SARS1: variants seen among roughly 807,000 people sequenced by gnomAD.
SARS1 encodes serine--tRNA ligase, cytoplasmic.
Under a neutral mutation model 63.7 loss-of-function variants are expected in SARS1, and 25 were observed. That is an observed-to-expected ratio of 0.39 (90% CI 0.29 to 0.55). SARS1 has a LOEUF of 0.55. SARS1 is among the 20% of genes least tolerant of loss of function. SARS1 has a pLI of 0.62. For synonymous variants in SARS1, 231 were observed against 243.5 expected (o/e 0.95, Z 0.48); for missense variants, 417 against 649.7 (o/e 0.64, Z 3.89).
intron 1 of SARS1, among the ~76,000 whole-genome samples, chr1:109,222,006 ATATATTTTTTTTTTTTTTTTTTT>A (rs1654957018): frequency 9.0e-5 from 1 of 11,100 alleles, no homozygotes; most frequent in Non-Finnish European, 1.4e-4. Context: ...ATATATATAT[ATATATTTTTTTTTTTTTTTTTTT>A]TTTTTTTTTT....
chr1:109,219,262 C>CATATATATAT (rs142272817), intron 1 of SARS1, among the ~76,000 whole-genome samples: 1,977 of 76,620 alleles, frequency 0.026, 86 homozygotes, highest in African/African-American at 0.046. Context: ...CAAGACTCTC[C>CATATATATAT]ATATATATAT....
chr1:109,224,332 C>T (rs540965762), intron 2 of SARS1, among the ~76,000 whole-genome samples: 1 of 152,200 alleles, frequency 6.6e-6, no homozygotes, highest in East Asian at 1.9e-4. Context: ...TAAATTCCAC[C>T]AGTCATCTTT....
intron 9 of SARS1, chr1:109,236,861 A>T: frequency 6.2e-7 from 1 of 1,600,282 alleles, no homozygotes; most frequent in Non-Finnish European, 8.5e-7. Context: ...CCCTCTTCTC[A>T]CCCAAGAAGG....
In SARS1 at chr1:109,229,468, C is replaced by G; in HGVS notation, c.343C>G (p.Leu115Val). ...KVRLLIDEAI[L>V]KCDAERIKLE... is the part of the protein sequence containing the mutation. ...CCGACTCCTCATTGATGAAGCCATC[C>G]TGAAGTGTGACGCGGAGCGGATAAA... Residue 115 changes from leucine to valine, a missense_variant, in exon 4 of 11, where the codon CTG becomes GTG. Leu to Val is a conservative substitution (Grantham distance 32). This residue lies in a region of SARS1 where 359 missense variants were observed against 529.6 expected (regional missense o/e 0.68). Transcript: ENST00000234677. 1 of 1,614,162 alleles carries G rather than the reference C, an allele frequency of 6.2e-7. No individual in the cohort carries two copies.
At position 109,237,884 on chromosome 1, in the gene SARS1, C is replaced by A; in HGVS notation, c.1541C>A (p.Ala514Asp). 1 of 1,614,130 alleles carries A rather than the reference C, an allele frequency of 6.2e-7. No individual in the cohort carries two copies. The highest frequency in any genetic ancestry group is 1.1e-5 in the South Asian group (1 of 91,078). ...CTGCAGAACATGGAGGTCACCGATG[C>A]TTGAACATTCCTGCCTCCCTATTTG... ...NRLQNMEVTD[A>D] The change falls in exon 11 of 11, where the codon GCT becomes GAT. Residue 514 changes from alanine to aspartate, a missense_variant. By Grantham distance (126) the Ala-to-Asp change is moderately radical. Around this residue, in one of 3 missense-constraint regions of SARS1, gnomAD observed 43 missense variants for 68.1 expected, o/e 0.63. Coordinates refer to ENST00000234677, the MANE Select transcript of SARS1 (RefSeq NM_006513.4). The surrounding 1 kb of genome is among the most constrained non-coding windows in gnomAD (Gnocchi z 4.1).
At chr1:109,223,141 T>C (rs1654985887) in intron 1 of SARS1, among the ~76,000 whole-genome samples, 1 of 152,236 alleles carries the variant, frequency 6.6e-6, no homozygotes, top group Non-Finnish European at 1.5e-5. Context: ...TTTGGGCCAA[T>C]ATGTTGACCA....
chr1:109,220,729 T>A (rs528478296), intron 1 of SARS1, among the ~76,000 whole-genome samples: 1 of 152,302 alleles, frequency 6.6e-6, no homozygotes, highest in Non-Finnish European at 1.5e-5. Context: ...TTTATTGACT[T>A]TTCTTCTGTG....
Position 109,237,593 on chromosome 1 carries a change from A to G in SARS1, c.1388-138A>G. Reference sequence around the variant, plus strand: ...GCTAAAATTCAGACTAGGGAAGAAAAGAATAAAGGAAACCAGTGCCTATCA... The same window carrying G: ...GCTAAAATTCAGACTAGGGAAGAAAGGAATAAAGGAAACCAGTGCCTATCA... On this transcript the variant is annotated intron_variant, in intron 10 of 10. Transcript: ENST00000234677. The surrounding 1 kb of genome is among the most constrained non-coding windows in gnomAD (Gnocchi z 4.1). 1 of 1,138,722 alleles carries G rather than the reference A, an allele frequency of 8.8e-7. No homozygotes were observed. The highest frequency in any genetic ancestry group is 1.5e-5 in the South Asian group (1 of 66,234). 70.5% of individuals were successfully genotyped at this position (1,138,722 alleles called of 1,614,324 possible). A position where few individuals can be genotyped will look rare whatever the true frequency, so the allele number is the denominator to read the frequency against.
intron 1 of SARS1, among the ~76,000 whole-genome samples, chr1:109,218,446 A>G (rs1383750567): frequency 6.6e-6 from 1 of 150,504 alleles, no homozygotes; most frequent in African/African-American, 2.4e-5. Context: ...TCAAACTCCA[A>G]AGTATGTTTT....
rs1473836770 is a variant in SARS1 at position 109,238,070 on chromosome 1, C to T, written c.*182C>T. The stretch of plus-strand genomic sequence containing the variant: ...CTGTCTCCTCGCATGGGCATAGGGA[C>T]CCATCATTGATGACTGATGAAACCA... On this transcript the variant is annotated 3_prime_UTR_variant, in exon 11 of 11. Transcript: ENST00000234677. 4 of 655,810 alleles carry T rather than the reference C, an allele frequency of 6.1e-6. No homozygotes were observed. Among genetic ancestry groups the T allele is most frequent in the South Asian group, 2.0e-5 (1 of 49,372 alleles). 40.6% of individuals were successfully genotyped at this position (655,810 alleles called of 1,614,324 possible).
At chr1:109,217,744 G>A (rs373880305) in intron 1 of SARS1, among the ~76,000 whole-genome samples, 1 of 151,776 alleles carries the variant, frequency 6.6e-6, no homozygotes, top group Non-Finnish European at 1.5e-5. Flanking sequence ...ATTTTTTGTA[G>A]AGACAGAGTC....
chr1:109,226,677 A>AAAAAAAATATATATATAT (rs1178056468), intron 2 of SARS1, among the ~76,000 whole-genome samples: 1 of 44,960 alleles, frequency 2.2e-5, no homozygotes, highest in African/African-American at 8.3e-5. Flanking sequence ...AAAAAAAAAA[A>AAAAAAAATATATATATAT]ATATATATAT....
rs1654735038 is a variant in SARS1 at position 109,214,329 on chromosome 1, G to A, written c.136+201G>A. The stretch of plus-strand genomic sequence containing the variant: ...CCACTTTCTCCTCCACCCGGGCGGA[G>A]CGAGGTCCCTTCCACGCGTGCTCAG... On this transcript the variant is annotated intron_variant, in intron 1 of 10. Transcript: ENST00000234677. This position sits in a 1 kb window ranked among gnomAD's most constrained non-coding sequence, Gnocchi z 4.6. Among the ~76,000 whole-genome samples the A allele has an allele frequency of 6.6e-6, 1 of 152,304 alleles. No individual in the cohort carries two copies. Among genetic ancestry groups the A allele is most frequent in the Middle Eastern group, 3.4e-3 (1 of 294 alleles).
rs1052679315 is a variant in SARS1 at position 109,235,811 on chromosome 1, G to A, written c.970-166G>A. ...GGGCTGGCATGCATACGGGAAGCTC[G>A]CACCATAAGCATTTGCTCTTGTGGT... On this transcript the variant is annotated intron_variant, in intron 7 of 10. Coordinates refer to ENST00000234677, the MANE Select transcript of SARS1 (RefSeq NM_006513.4). The surrounding 1 kb of genome is among the most constrained non-coding windows in gnomAD (Gnocchi z 4.7). Among the ~76,000 whole-genome samples, 3 of 152,164 alleles carry A rather than the reference G, an allele frequency of 2.0e-5. No homozygotes were observed. The highest frequency in any genetic ancestry group is 4.8e-5 in the African/African-American group (2 of 41,442).
At chr1:109,217,716 A>G (rs1317983031) in intron 1 of SARS1, among the ~76,000 whole-genome samples, 1 of 151,918 alleles carries the variant, frequency 6.6e-6, no homozygotes, top group Non-Finnish European at 1.5e-5. Flanking sequence ...GTGCACCACC[A>G]TGCCCAGCTA....
chr1:109,231,799 G>C lies in SARS1; in HGVS notation c.747+13G>C. ...AGAACTTTATAAGGTGAGTAGCCTG[G>C]GTCAGGTGACAGAATGACTTCTTAA... On this transcript the variant is annotated intron_variant, in intron 6 of 10. Coordinates refer to ENST00000234677, the MANE Select transcript of SARS1 (RefSeq NM_006513.4). 6.6e-7 allele frequency: 1 copy of C among 1,503,776 alleles called. No homozygotes were observed. The highest frequency in any genetic ancestry group is 2.5e-5 in the East Asian group (1 of 39,516). The allele number at this position is 1,503,776 out of a possible 1,614,324, so 93.2% of individuals were successfully genotyped here. A position where few individuals can be genotyped will look rare whatever the true frequency, so the allele number is the denominator to read the frequency against.
chr1:109,226,697 TACACAC>T (rs369144830), intron 2 of SARS1, among the ~76,000 whole-genome samples: 68 of 104,102 alleles, frequency 6.5e-4, no homozygotes, highest in African/African-American at 1.3e-3. Context: ...TATATATATA[TACACAC>T]ACACACACAC....
Position 109,237,642 on chromosome 1 carries a change from A to G in SARS1, c.1388-89A>G. 1.4e-6 allele frequency: 2 copies of G among 1,431,688 alleles called. No homozygotes were observed. Among genetic ancestry groups the G allele is most frequent in the South Asian group, 2.5e-5 (2 of 81,048 alleles). 88.7% of individuals were successfully genotyped at this position (1,431,688 alleles called of 1,614,324 possible). On this transcript the variant is annotated intron_variant, in intron 10 of 10. Coordinates refer to ENST00000234677, the MANE Select transcript of SARS1 (RefSeq NM_006513.4). This position sits in a 1 kb window ranked among gnomAD's most constrained non-coding sequence, Gnocchi z 4.1. ...CAAAGGGACCCCTCTGTTCAAAGGG[A>G]TCATTGTCTTGTTGAATTCTCCCCA...
In SARS1 at chr1:109,235,130, G is replaced by T; in HGVS notation, c.748-80G>T. On this transcript the variant is annotated intron_variant, in intron 6 of 10. Coordinates refer to ENST00000234677, the MANE Select transcript of SARS1 (RefSeq NM_006513.4). The surrounding 1 kb of genome is among the most constrained non-coding windows in gnomAD (Gnocchi z 4.7). The stretch of plus-strand genomic sequence containing the variant: ...AGGAAATTTTTCCTGCACTATTATT[G>T]ATCTCTTTCTTGTGGTTTCTTATTC... The T allele has an allele frequency of 8.9e-7, 1 of 1,129,732 alleles. No homozygotes were observed. The highest frequency in any genetic ancestry group is 1.3e-6 in the Non-Finnish European group (1 of 747,030). 70.0% of individuals were successfully genotyped at this position (1,129,732 alleles called of 1,614,324 possible). A position where few individuals can be genotyped will look rare whatever the true frequency, so the allele number is the denominator to read the frequency against.
Sources: allele counts gnomAD v4.1 joint callset (sites outside exome capture counted in the v4.1 genomes callset), GRCh38; gene constraint gnomAD v4.1.1; regional missense constraint gnomAD v4.1.1; non-coding constraint Gnocchi (gnomAD v3.1); transcripts MANE v1.5; gene names NCBI Gene and HGNC (gene_info 2026-07-23, HGNC 2026-07-21).